GRAMD1C: variants seen among roughly 807,000 people sequenced by gnomAD.
GRAMD1C encodes GRAM domain containing 1C.
A neutral mutation model predicts 97.8 loss-of-function variants in GRAMD1C; 89 were observed. The ratio of observed to expected loss-of-function variants is 0.91; its 90% CI spans 0.77 to 1.09. The LOEUF (loss-of-function observed/expected upper bound fraction) is 1.09, where lower values mean the gene tolerates loss of function less well. Ranked by LOEUF, GRAMD1C falls within the 50% of genes least tolerant of loss-of-function variation. GRAMD1C has a pLI of 0.00. For synonymous variants in GRAMD1C, 256 were observed against 267.0 expected (o/e 0.96, Z 0.40); for missense variants, 740 against 766.4 (o/e 0.97, Z 0.41).
At chr3:113,853,278 A>T (rs1933985417) in intron 2 of GRAMD1C, among the ~76,000 whole-genome samples, 1 of 152,230 alleles carries the variant, frequency 6.6e-6, no homozygotes, top group Non-Finnish European at 1.5e-5. Context: ...AAAGATATAT[A>T]CGTATTAGGA....
chr3:113,877,062 A>G (rs2632246), intron 5 of GRAMD1C, among the ~76,000 whole-genome samples: 73,758 of 151,932 alleles, frequency 0.49, 18,324 homozygotes, highest in Non-Finnish European at 0.54. Context: ...TGCACAGGCC[A>G]GCCTCGAGCA....
At chr3:113,933,145 A>C (rs950817441) in intron 11 of GRAMD1C, among the ~76,000 whole-genome samples, 23 of 152,130 alleles carry the variant, frequency 1.5e-4, no homozygotes, top group African/African-American at 5.3e-4. Context: ...TCAGCTTCCC[A>C]AAGTGTTAGG....
At chr3:113,863,341 G>A (rs1934469116) in intron 2 of GRAMD1C, among the ~76,000 whole-genome samples, 1 of 151,982 alleles carries the variant, frequency 6.6e-6, no homozygotes. Context: ...AGACACAAAG[G>A]GCCACAAGAG....
intron 1 of GRAMD1C, among the ~76,000 whole-genome samples, chr3:113,839,241 C>T (rs1709712755): frequency 6.6e-6 from 1 of 152,146 alleles, no homozygotes; most frequent in Admixed American, 6.5e-5. Context: ...GCCCCATGGT[C>T]GTGATTCTGA....
chr3:113,863,235 G>A (rs987136553), intron 2 of GRAMD1C, among the ~76,000 whole-genome samples: 2 of 152,166 alleles, frequency 1.3e-5, no homozygotes, highest in African/African-American at 4.8e-5. Context: ...TTTGTATAAT[G>A]AAATATTATT....
At chr3:113,940,881 C>T (rs1258556467) in intron 17 of GRAMD1C, among the ~76,000 whole-genome samples, 3 of 152,134 alleles carry the variant, frequency 2.0e-5, no homozygotes, top group African/African-American at 7.2e-5. Context: ...TCTTTACAGA[C>T]ATTTAATATT....
intron 2 of GRAMD1C, chr3:113,850,212 T>C (rs1268796531): frequency 2.7e-5 from 14 of 518,042 alleles, no homozygotes; most frequent in Non-Finnish European, 5.2e-5. Context: ...GTTTATTCAA[T>C]GCAAAATAAT....
At position 113,945,382 on chromosome 3, in the gene GRAMD1C, T is replaced by C. The variant is rs1450988925; in HGVS notation, c.1909-16T>C. ...AGAAAAATTAATCTGATTTTGAAAA[T>C]TAACTTTGTTTACAGCTGAAGAGCT... is the stretch of plus-strand genomic sequence containing the variant. On this transcript the variant is annotated splice_polypyrimidine_tract_variant and intron_variant, in intron 17 of 17. Transcript: ENST00000358160. 9 of 1,509,422 alleles carry C rather than the reference T, an allele frequency of 6.0e-6. No homozygotes were observed. Among genetic ancestry groups the C allele is most frequent in the Non-Finnish European group, 8.2e-6 (9 of 1,099,456 alleles). 93.5% of individuals were successfully genotyped at this position (1,509,422 alleles called of 1,614,324 possible).
At chr3:113,919,245 TGGTCCAG>T in intron 10 of GRAMD1C, 1 of 389,292 alleles carries the variant, frequency 2.6e-6, no homozygotes, top group Non-Finnish European at 5.0e-6. Context: ...AAGGCTTTTT[TGGTCCAG>T]TTTGTGAGAT....
intron 2 of GRAMD1C, chr3:113,850,652 A>G (rs1933855451): frequency 1.2e-6 from 2 of 1,606,468 alleles, no homozygotes; most frequent in Admixed American, 3.3e-5. Flanking sequence ...AGGCATGTGG[A>G]CGTCCTTCTT....
chr3:113,882,891 A>T, intron 6 of GRAMD1C, 59 bp downstream of exon 6: 1 of 757,838 alleles, frequency 1.3e-6, no homozygotes, highest in Non-Finnish European at 2.3e-6. Context: ...GTATTTGTGA[A>T]TTGAAGAGCT....
intron 11 of GRAMD1C, among the ~76,000 whole-genome samples, chr3:113,931,731 T>G (rs1937436273): frequency 6.6e-6 from 1 of 152,028 alleles, no homozygotes. Flanking sequence ...GAGTTTGAGA[T>G]CAGACTGCGC....
intron 8 of GRAMD1C, 121 bp downstream of exon 8, chr3:113,904,393 T>C (rs925297124): frequency 1.4e-6 from 1 of 712,586 alleles, no homozygotes; most frequent in Non-Finnish European, 2.3e-6. Flanking sequence ...TCCTACCTTA[T>C]TTTAGGAAAA....
At chr3:113,895,302 C>T (rs2107435145) in intron 6 of GRAMD1C, among the ~76,000 whole-genome samples, 1 of 152,294 alleles carries the variant, frequency 6.6e-6, no homozygotes, top group African/African-American at 2.4e-5. Context: ...GGAATCTTCC[C>T]CACCGTGCAT....
intron 2 of GRAMD1C, among the ~76,000 whole-genome samples, chr3:113,855,925 G>C (rs1577130228): frequency 6.6e-6 from 1 of 152,002 alleles, no homozygotes. Flanking sequence ...GCCTTGCTCT[G>C]TCACCCTGAC....
upstream of GRAMD1C, among the ~76,000 whole-genome samples, chr3:113,834,404 C>G (rs113279702): frequency 0.018 from 2,696 of 152,068 alleles, 75 homozygotes; most frequent in African/African-American, 0.059. Context: ...GTCTCGAACT[C>G]CTGACCTCAA....
chr3:113,911,579 A>G (rs996016607), intron 9 of GRAMD1C, among the ~76,000 whole-genome samples: 1 of 151,268 alleles, frequency 6.6e-6, no homozygotes, highest in African/African-American at 2.4e-5. Flanking sequence ...TAACTTAATT[A>G]TTTCTTTCCT....
At chr3:113,904,706 A>G (rs1422425631) in intron 8 of GRAMD1C, among the ~76,000 whole-genome samples, 1 of 152,062 alleles carries the variant, frequency 6.6e-6, no homozygotes, top group Non-Finnish European at 1.5e-5. Flanking sequence ...AGCATGCTTG[A>G]GTAACAATAG....
intron 2 of GRAMD1C, among the ~76,000 whole-genome samples, chr3:113,862,022 T>A (rs945231615): frequency 6.6e-6 from 1 of 152,114 alleles, no homozygotes; most frequent in Non-Finnish European, 1.5e-5. Flanking sequence ...AAATAGGGTG[T>A]GGGTCACAGA....
Sources: allele counts gnomAD v4.1 joint callset (sites outside exome capture counted in the v4.1 genomes callset), GRCh38; gene constraint gnomAD v4.1.1; transcripts MANE v1.5; gene names NCBI Gene and HGNC (gene_info 2026-07-23, HGNC 2026-07-21).